TCERG1L: variants seen among roughly 807,000 people sequenced by gnomAD.
TCERG1L encodes the protein transcription elongation regulator 1 like.
In TCERG1L, 37 loss-of-function variants were observed where a neutral mutation model predicts 56.3. The observed-to-expected ratio is 0.66, with a 90% confidence interval of 0.51 to 0.87. The LOEUF is 0.87. TCERG1L is among the 40% of genes least tolerant of loss of function. The probability of loss-of-function intolerance (pLI) is 0.00; values close to 1 mark genes in which losing one functional copy is unlikely to be tolerated. For synonymous variants in TCERG1L, 324 were observed against 326.3 expected (o/e 0.99, Z 0.08); for missense variants, 799 against 774.2 (o/e 1.03, Z -0.38).
At chr10:131,191,532 T>G (rs569209063) in intron 4 of TCERG1L, among the ~76,000 whole-genome samples, 1 of 143,212 alleles carries the variant, frequency 7.0e-6, no homozygotes, top group South Asian at 2.2e-4. Context: ...CTAGTAAAAG[T>G]AGGCACATAG....
At chr10:131,219,363 C>T (rs1227467015) in intron 4 of TCERG1L, among the ~76,000 whole-genome samples, 11 of 152,210 alleles carry the variant, frequency 7.2e-5, no homozygotes, top group Admixed American at 7.2e-4. Context: ...GGGGCTGACC[C>T]CTGGCTGGCC....
At chr10:131,163,253 C>A (rs1171527518) in intron 5 of TCERG1L, 43 bp from the exon 6 acceptor site, 1 of 1,405,366 alleles carries the variant, frequency 7.1e-7, no homozygotes, top group Non-Finnish European at 9.5e-7. Context: ...TAATTTTAAA[C>A]ACTCATCTTC....
chr10:131,309,541 G>T (rs1195306822), intron 1 of TCERG1L, among the ~76,000 whole-genome samples: 1 of 152,042 alleles, frequency 6.6e-6, no homozygotes, highest in Non-Finnish European at 1.5e-5. Flanking sequence ...TACTGAAAAA[G>T]AACTTCTAAG....
intron 4 of TCERG1L, among the ~76,000 whole-genome samples, chr10:131,230,946 G>C (rs906608989): frequency 3.3e-5 from 5 of 151,046 alleles, no homozygotes; most frequent in African/African-American, 1.2e-4. Flanking sequence ...GATAGACTTC[G>C]TAATTGTTTA....
intron 7 of TCERG1L, among the ~76,000 whole-genome samples, chr10:131,140,616 G>C (rs1845726696): frequency 6.6e-6 from 1 of 152,152 alleles, no homozygotes; most frequent in South Asian, 2.1e-4. Context: ...GGCTTTCCTG[G>C]GCACGAAGAG....
At chr10:131,184,343 C>T (rs747175078) in intron 4 of TCERG1L, among the ~76,000 whole-genome samples, 1 of 152,162 alleles carries the variant, frequency 6.6e-6, no homozygotes, top group Admixed American at 6.5e-5. Flanking sequence ...ACAAAATAGA[C>T]GTTTAATAAA....
intron 4 of TCERG1L, among the ~76,000 whole-genome samples, chr10:131,233,024 A>G (rs1845868882): frequency 6.6e-6 from 1 of 152,262 alleles, no homozygotes; most frequent in Non-Finnish European, 1.5e-5. Flanking sequence ...AGGTCTGGCT[A>G]GAGCAAATGT....
At chr10:131,116,702 C>T in intron 9 of TCERG1L, 97 bp downstream of exon 9, 1 of 1,478,486 alleles carries the variant, frequency 6.8e-7, no homozygotes, top group African/African-American at 1.4e-5. Context: ...TGATCATGAA[C>T]TCAGTGAGGA....
chr10:131,117,034 GCA>G (rs1250470260), intron 8 of TCERG1L, 100 bp from the exon 9 acceptor site: 14 of 1,413,994 alleles, frequency 9.9e-6, no homozygotes, highest in Non-Finnish European at 1.3e-5. Context: ...TCTTTCAGAA[GCA>G]CAGTCTCCTT....
At chr10:131,143,426 C>T (rs552769381) in intron 7 of TCERG1L, among the ~76,000 whole-genome samples, 95 of 152,242 alleles carry the variant, frequency 6.2e-4, no homozygotes, top group Non-Finnish European at 1.2e-3. Flanking sequence ...CCTCGCCTCT[C>T]CTCCCTCCAA....
Position 131,311,530 on chromosome 10 carries a change from G to C in TCERG1L, c.106C>G (p.Pro36Ala). The change falls in exon 1 of 12, where the codon CCG becomes GCG. Residue 36 changes from proline to alanine, a missense_variant. Physicochemically the swap from Pro to Ala is conservative, Grantham distance 27 (BLOSUM62 -1). Coordinates refer to ENST00000368642, the MANE Select transcript of TCERG1L (RefSeq NM_174937.4). The surrounding 1 kb of genome is among the most constrained non-coding windows in gnomAD (Gnocchi z 4.0). ...LWPMDAEPPP[P>A]PPWVWMVPGS... ...GGCACCATCCAGACCCAGGGCGGCG[G>C]CGGCGGCGGCTCTGCGTCCATCGGC... The C allele has an allele frequency of 8.3e-7, 1 of 1,199,220 alleles. No individual in the cohort carries two copies. The highest frequency in any genetic ancestry group is 1.0e-6 in the Non-Finnish European group (1 of 965,014). 74.3% of individuals were successfully genotyped at this position (1,199,220 alleles called of 1,614,324 possible).
At chr10:131,139,510 C>G (rs138578267) in intron 7 of TCERG1L, among the ~76,000 whole-genome samples, 1 of 152,178 alleles carries the variant, frequency 6.6e-6, no homozygotes, top group South Asian at 2.1e-4. Context: ...ATAGCCAAGA[C>G]GCATTACAGG....
chr10:131,129,904 A>G (rs976442894), intron 8 of TCERG1L, among the ~76,000 whole-genome samples: 2 of 152,128 alleles, frequency 1.3e-5, no homozygotes, highest in African/African-American at 4.8e-5. Flanking sequence ...CAGGAGACAG[A>G]GTGGATGGGG....
chr10:131,182,934 T>G (rs1270025852), intron 4 of TCERG1L, among the ~76,000 whole-genome samples: 7 of 152,240 alleles, frequency 4.6e-5, no homozygotes, highest in Non-Finnish European at 1.0e-4. Context: ...ACATAACCTT[T>G]AACAAATCCA....
chr10:131,208,431 G>A (rs781447371), intron 4 of TCERG1L, among the ~76,000 whole-genome samples: 71 of 152,324 alleles, frequency 4.7e-4, no homozygotes, highest in Admixed American at 2.5e-3. Flanking sequence ...ACGATGGTGA[G>A]CTCCGCAGAG....
At chr10:131,166,016 G>A (rs1846027247) in intron 5 of TCERG1L, among the ~76,000 whole-genome samples, 1 of 152,146 alleles carries the variant, frequency 6.6e-6, no homozygotes, top group Admixed American at 6.5e-5. Context: ...ATATCTCAGG[G>A]GGCAAAAGTT....
chr10:131,116,403 G>A (rs1334655544), intron 9 of TCERG1L, among the ~76,000 whole-genome samples: 1 of 152,110 alleles, frequency 6.6e-6, no homozygotes, highest in Non-Finnish European at 1.5e-5. Flanking sequence ...GCTCCCTCAG[G>A]CCACCCAGGA....
chr10:131,225,955 T>G (rs537185977), intron 4 of TCERG1L, among the ~76,000 whole-genome samples: 1 of 152,210 alleles, frequency 6.6e-6, no homozygotes, highest in Non-Finnish European at 1.5e-5. Flanking sequence ...ACGTATTTAT[T>G]TGAACAGGGT....
chr10:131,273,490 G>T (rs1846360838), intron 3 of TCERG1L, among the ~76,000 whole-genome samples: 1 of 152,222 alleles, frequency 6.6e-6, no homozygotes, highest in Admixed American at 6.5e-5. Context: ...AAAAGTTTCT[G>T]AGGAATGAGG....
Sources: gnomAD v4.1 joint callset for allele counts (sites outside exome capture counted in the v4.1 genomes callset) on GRCh38, gnomAD v4.1.1 for gene constraint, Gnocchi (gnomAD v3.1) non-coding constraint, MANE v1.5 for transcripts, NCBI Gene and HGNC (gene_info 2026-07-23, HGNC 2026-07-21) for gene names.